MARCHF4: variants seen among roughly 807,000 people sequenced by gnomAD.
MARCHF4 encodes membrane associated ring-CH-type finger 4.
MARCHF4 carries 14 observed loss-of-function variants against 43.9 expected under a neutral mutation model. The ratio of observed to expected loss-of-function variants is 0.32; its 90% CI spans 0.21 to 0.50. MARCHF4 has a LOEUF of 0.50. Among genes scored for constraint, MARCHF4 ranks in the 20% least tolerant of loss-of-function variants. The pLI, the probability that MARCHF4 is intolerant of heterozygous loss-of-function variation, is 0.98. For synonymous variants in MARCHF4, 226 were observed against 213.3 expected, an observed-to-expected ratio of 1.06 and a Z score of -0.52; for missense variants, 468 against 536.7, an observed-to-expected ratio of 0.87 and a Z score of 1.27.
chr2:216,351,081 C>T (rs78112820), intron 1 of MARCHF4, among the ~76,000 whole-genome samples: 1 of 152,148 alleles, frequency 6.6e-6, no homozygotes, highest in South Asian at 2.1e-4. Context: ...TAGTTTTCTC[C>T]TGAAGGACCC....
At chr2:216,263,485 G>GAGAGAGAGAGAGAGAGAGAGAGAGAGAA (rs1559280480) in intron 3 of MARCHF4, among the ~76,000 whole-genome samples, 31 of 107,548 alleles carry the variant, frequency 2.9e-4, no homozygotes, top group South Asian at 1.8e-3. Context: ...GAGAAAGAAG[G>GAGAGAGAGAGAGAGAGAGAGAGAGAGAA]AGAGAGAAAG....
intron 1 of MARCHF4, among the ~76,000 whole-genome samples, chr2:216,343,104 G>A (rs1047408429): frequency 1.3e-5 from 2 of 152,212 alleles, no homozygotes; most frequent in Non-Finnish European, 2.9e-5. Flanking sequence ...CAAGTTGAGG[G>A]ATTCTTAAAG....
chr2:216,298,680 T>C (rs773604268), intron 1 of MARCHF4, among the ~76,000 whole-genome samples: 1 of 152,234 alleles, frequency 6.6e-6, no homozygotes, highest in African/African-American at 2.4e-5. Context: ...TAAAAATATG[T>C]ACAGATTTAT....
At chr2:216,276,875 G>T (rs1691032454) in intron 3 of MARCHF4, among the ~76,000 whole-genome samples, 1 of 152,058 alleles carries the variant, frequency 6.6e-6, no homozygotes. Context: ...GAAAGACCCA[G>T]CCCGCAACCA....
chr2:216,293,508 A>G (rs1007135994), intron 1 of MARCHF4, among the ~76,000 whole-genome samples: 17 of 151,038 alleles, frequency 1.1e-4, no homozygotes, highest in African/African-American at 3.7e-4. Flanking sequence ...ACACATACAC[A>G]CGTTTAATCT....
chr2:216,318,305 C>T (rs1470676786), intron 1 of MARCHF4, among the ~76,000 whole-genome samples: 1 of 152,160 alleles, frequency 6.6e-6, no homozygotes, highest in Non-Finnish European at 1.5e-5. Flanking sequence ...GGCAAACGAA[C>T]GCCCCTCCCA....
chr2:216,336,731 G>A (rs1692161503), intron 1 of MARCHF4, among the ~76,000 whole-genome samples: 1 of 64,048 alleles, frequency 1.6e-5, no homozygotes, highest in South Asian at 5.4e-4. Flanking sequence ...AATGGGAAAG[G>A]CAAATAGATT....
intron 1 of MARCHF4, among the ~76,000 whole-genome samples, chr2:216,327,966 A>T (rs958834969): frequency 6.6e-6 from 1 of 151,840 alleles, no homozygotes; most frequent in African/African-American, 2.4e-5. Context: ...GCAAAAAAAA[A>T]AAAAGAAAAG....
intron 1 of MARCHF4, among the ~76,000 whole-genome samples, chr2:216,319,766 T>C (rs946819996): frequency 1.3e-5 from 2 of 152,214 alleles, no homozygotes; most frequent in Admixed American, 6.5e-5. Context: ...CACTAGATGC[T>C]GGGATTTACA....
At chr2:216,267,139 C>T (rs765934483) in intron 3 of MARCHF4, among the ~76,000 whole-genome samples, 4 of 152,094 alleles carry the variant, frequency 2.6e-5, no homozygotes, top group Admixed American at 1.3e-4. Context: ...AGATGGCTAA[C>T]GGTCCACTAA....
intron 1 of MARCHF4, among the ~76,000 whole-genome samples, chr2:216,357,566 C>T (rs1286698487): frequency 6.6e-6 from 1 of 152,228 alleles, no homozygotes; most frequent in Admixed American, 6.5e-5. Context: ...AGCAATCTTC[C>T]CGCCTTAGTC....
rs1692748091 is a variant in MARCHF4, at chr2:216,370,819, A to T, written c.-559T>A. ...ATTGAGGACTGCATGTGTGAGAGAGAAAAGATCGTTTTTCTCAGGTGGTAG... is the reference window on the plus strand; with the variant it reads ...ATTGAGGACTGCATGTGTGAGAGAGTAAAGATCGTTTTTCTCAGGTGGTAG... On this transcript the variant is annotated 5_prime_UTR_variant, in exon 1 of 4. Coordinates refer to ENST00000273067, the MANE Select transcript of MARCHF4 (RefSeq NM_020814.3). The T allele has an allele frequency of 6.6e-6, 1 of 152,172 alleles. No homozygotes were observed. The highest frequency in any genetic ancestry group is 6.5e-5 in the Admixed American group (1 of 15,280). The allele number at this position is 152,172 out of a possible 1,614,324, so 9.4% of individuals were successfully genotyped here. A position where few individuals can be genotyped will look rare whatever the true frequency, so the allele number is the denominator to read the frequency against.
chr2:216,281,210 A>G (rs1025317838), intron 2 of MARCHF4, among the ~76,000 whole-genome samples: 1 of 151,846 alleles, frequency 6.6e-6, no homozygotes, highest in Non-Finnish European at 1.5e-5. Context: ...CTGGGACTAC[A>G]GTCATGGGCT....
chr2:216,365,246 T>C (rs1692645987), intron 1 of MARCHF4, among the ~76,000 whole-genome samples: 1 of 152,222 alleles, frequency 6.6e-6, no homozygotes, highest in Non-Finnish European at 1.5e-5. Context: ...ACTAGACTAC[T>C]CTATACAATT....
intron 1 of MARCHF4, among the ~76,000 whole-genome samples, 188 bp downstream of exon 1, chr2:216,369,557 A>C (rs1007720412): frequency 6.6e-6 from 1 of 152,202 alleles, no homozygotes; most frequent in Non-Finnish European, 1.5e-5. Flanking sequence ...CGAACCACCA[A>C]ACAGGCTCCA....
rs966017545 is a variant in MARCHF4, at chr2:216,258,082, C to T, written c.*1230G>A. On this transcript the variant is annotated 3_prime_UTR_variant, in exon 4 of 4. Coordinates refer to ENST00000273067, the MANE Select transcript of MARCHF4 (RefSeq NM_020814.3). ...GTCCCCAGAGCGAGCAGGAGGGGTC[C>T]AGGGGTAGTGCTCCCTGCCAGGCAC... 1 of 152,190 alleles carries T rather than the reference C, an allele frequency of 6.6e-6. No individual in the cohort carries two copies. The highest frequency in any genetic ancestry group is 6.5e-5 in the Admixed American group (1 of 15,280). 9.4% of individuals were successfully genotyped at this position (152,190 alleles called of 1,614,324 possible).
chr2:216,266,440 C>T (rs1043850426), intron 3 of MARCHF4, among the ~76,000 whole-genome samples: 1 of 152,192 alleles, frequency 6.6e-6, no homozygotes, highest in African/African-American at 2.4e-5. Flanking sequence ...CATTGGCAAC[C>T]TTGTCCCCAA....
chr2:216,309,581 C>T (rs1433551547), intron 1 of MARCHF4, among the ~76,000 whole-genome samples: 1 of 152,160 alleles, frequency 6.6e-6, no homozygotes, highest in South Asian at 2.1e-4. Context: ...GTTACATGAC[C>T]CAAACCATCT....
chr2:216,274,523 A>C (rs1690991546), intron 3 of MARCHF4, among the ~76,000 whole-genome samples: 1 of 149,370 alleles, frequency 6.7e-6, no homozygotes, highest in African/African-American at 2.5e-5. Flanking sequence ...AATACTGCAC[A>C]GAAGGAGAAG....
Sources: allele counts gnomAD v4.1 joint callset (sites outside exome capture counted in the v4.1 genomes callset), GRCh38; gene constraint gnomAD v4.1.1; transcripts MANE v1.5; gene names NCBI Gene and HGNC (gene_info 2026-07-23, HGNC 2026-07-21).